ODAD1: variants seen among roughly 807,000 people sequenced by gnomAD.
ODAD1 encodes the protein outer dynein arm docking complex subunit 1, also known as outer dynein arm-docking complex subunit 1.
Under a neutral mutation model 67.2 loss-of-function variants are expected in ODAD1, and 49 were observed. That is an observed-to-expected ratio of 0.73 (90% CI 0.58 to 0.92). ODAD1 has a LOEUF of 0.92. Ranked by LOEUF, ODAD1 falls within the 40% of genes least tolerant of loss-of-function variation. The pLI is 0.00. For synonymous variants in ODAD1, 345 were observed against 393.7 expected (o/e 0.88, Z 1.46); for missense variants, 897 against 953.7 (o/e 0.94, Z 0.78).
Position 48,306,279 on chromosome 19 carries a change from G to T in ODAD1, c.642C>A (p.Ser214=). 3 of 1,551,704 alleles carry T rather than the reference G, an allele frequency of 1.9e-6. No homozygotes were observed. The highest frequency in any genetic ancestry group is 2.6e-6 in the Non-Finnish European group (3 of 1,146,968). ...LHHLVSTLIL[S]STSAYAVREE... ...ACCTGACGGCGTAGGCAGAGGTGGA[G>T]GAGAGGATAAGGGTGCTGACCAGGT... Residue 214 remains serine, a synonymous_variant, in exon 8 of 16, where the codon TCC becomes TCA. Transcript: ENST00000674294.
intron 5 of ODAD1, among the ~76,000 whole-genome samples, chr19:48,315,742 G>A (rs1241085168): frequency 6.6e-6 from 1 of 152,040 alleles, no homozygotes. Flanking sequence ...TTATATTAAT[G>A]GAATTGTATA....
intron 7 of ODAD1, 24 bp downstream of exon 7, chr19:48,311,529 C>G: frequency 1.4e-6 from 2 of 1,397,686 alleles, no homozygotes; most frequent in Non-Finnish European, 2.0e-6. Context: ...CCTGTCTCCT[C>G]CCCTGGATTT....
At chr19:48,299,117 A>C (rs1420321687) in intron 12 of ODAD1, among the ~76,000 whole-genome samples, 1 of 152,254 alleles carries the variant, frequency 6.6e-6, no homozygotes, top group African/African-American at 2.4e-5. Context: ...CTGAGATTCA[A>C]ACCCAGGACA....
At chr19:48,312,905 T>C (rs1183003290) in intron 5 of ODAD1, among the ~76,000 whole-genome samples, 1 of 133,628 alleles carries the variant, frequency 7.5e-6, no homozygotes, top group Non-Finnish European at 1.6e-5. Context: ...GGTCTGCTTA[T>C]GCCTAAGACC....
At chr19:48,318,834 G>A in intron 3 of ODAD1, 22 bp from the exon 4 acceptor site, 1 of 1,454,316 alleles carries the variant, frequency 6.9e-7, no homozygotes. Context: ...GCCAGCCAAG[G>A]GACTCAGCAG....
Position 48,297,499 on chromosome 19 carries a change from G to C in ODAD1, c.1601C>G (p.Ala534Gly). ...VEKLVELQEQ[A>G]EAQRQKDLAA... Reference sequence around the variant, plus strand: ...CAGGTCCTTCTGGCGCTGCGCCTCCGCCTGCTCCTGGAGCTCCACCTGCAG... The same window carrying C: ...CAGGTCCTTCTGGCGCTGCGCCTCCCCCTGCTCCTGGAGCTCCACCTGCAG... The change falls in exon 16 of 16, where the codon GCG becomes GGG. Residue 534 changes from alanine (A) to glycine (G), a missense_variant. Physicochemically the swap from Ala to Gly is moderately conservative, Grantham distance 60 (BLOSUM62 0). Transcript: ENST00000674294. The C allele has an allele frequency of 6.2e-7, 1 of 1,603,830 alleles. No individual in the cohort carries two copies. The highest frequency in any genetic ancestry group is 8.5e-7 in the Non-Finnish European group (1 of 1,176,476).
chr19:48,297,745 CG>C, intron 14 of ODAD1, 77 bp from the exon 15 acceptor site: 1 of 1,249,130 alleles, frequency 8.0e-7, no homozygotes, highest in Non-Finnish European at 1.1e-6. Context: ...TGCTAAACCC[CG>C]GGAGCCTCAG....
At chr19:48,317,143 T>C (rs1212797568) in intron 5 of ODAD1, among the ~76,000 whole-genome samples, 9 of 151,944 alleles carry the variant, frequency 5.9e-5, no homozygotes, top group African/African-American at 2.2e-4. Context: ...TGTGCCCAAC[T>C]GACAAATTGG....
At chr19:48,308,454 G>C (rs548496589) in intron 7 of ODAD1, among the ~76,000 whole-genome samples, 3 of 152,166 alleles carry the variant, frequency 2.0e-5, no homozygotes, top group Non-Finnish European at 4.4e-5. Context: ...GGAATTACAG[G>C]CATGAGCCAC....
At chr19:48,298,397 C>T (rs531078118) in intron 12 of ODAD1, 57 bp from the exon 13 acceptor site, 2 of 1,568,636 alleles carry the variant, frequency 1.3e-6, no homozygotes, top group East Asian at 2.2e-5. Flanking sequence ...GGTGCCAGCC[C>T]TCTCCCCACT....
chr19:48,312,622 G>A (rs1489505932), intron 5 of ODAD1, among the ~76,000 whole-genome samples: 1 of 151,966 alleles, frequency 6.6e-6, no homozygotes, highest in Non-Finnish European at 1.5e-5. Flanking sequence ...TCACCATGTT[G>A]GCCAGGCTGA....
chr19:48,321,798 A>C lies in ODAD1; in HGVS notation c.-184T>G, dbSNP rs1969034866. 1 of 398,510 alleles carries C rather than the reference A, an allele frequency of 2.5e-6. No individual in the cohort carries two copies. Among genetic ancestry groups the C allele is most frequent in the Non-Finnish European group, 4.4e-6 (1 of 226,076 alleles). 24.7% of individuals were successfully genotyped at this position (398,510 alleles called of 1,614,324 possible). A position where few individuals can be genotyped will look rare whatever the true frequency, so the allele number is the denominator to read the frequency against. The stretch of plus-strand genomic sequence containing the variant: ...AGGTGCCGGTCTTAAGCTGACTGTG[A>C]CCACGTTAAATTAAGGATTCATAGG... On this transcript the variant is annotated 5_prime_UTR_variant, in exon 1 of 16. Coordinates refer to ENST00000674294, the MANE Select transcript of ODAD1 (RefSeq NM_001364171.2).
In ODAD1 at chr19:48,296,718, GA is replaced by G. The variant is rs1968290696; in HGVS notation, c.*257del. ...GGCAGATATGGAGACAAGACGGACA[GA>G]CACTGACCAGGAAGCCCAGAGAACA... On this transcript the variant is annotated 3_prime_UTR_variant, in exon 16 of 16. Transcript: ENST00000674294. 64 of 1,314,966 alleles carry G rather than the reference GA, an allele frequency of 4.9e-5. No homozygotes were observed. In the South Asian group the frequency reaches 1.1e-3, roughly 23 times the overall value. The allele number at this position is 1,314,966 out of a possible 1,614,324, so 81.5% of individuals were successfully genotyped here. A position where few individuals can be genotyped will look rare whatever the true frequency, so the allele number is the denominator to read the frequency against.
At chr19:48,312,400 GT>G (rs767432952) in intron 5 of ODAD1, among the ~76,000 whole-genome samples, 33,366 of 120,572 alleles carry the variant, frequency 0.28, 4,863 homozygotes, top group African/African-American at 0.41. Flanking sequence ...ACTCCTTTCC[GT>G]TTTTTTTTTT....
rs1968776221 is a variant in ODAD1 at position 48,312,012 on chromosome 19, T to C, written c.465A>G (p.Leu155=). 6.4e-7 allele frequency: 1 copy of C among 1,551,326 alleles called. No homozygotes were observed. The highest frequency in any genetic ancestry group is 2.0e-5 in the Admixed American group (1 of 50,978). ...CCCTCACCCTGTCCAACTGGTTTTCTAGGATCCTGATCCTTCGCCTGATCT... is the reference window on the plus strand; with the variant it reads ...CCCTCACCCTGTCCAACTGGTTTTCCAGGATCCTGATCCTTCGCCTGATCT... ...KVKIRRRIRI[L]ENQLDRVTCH... is the part of the protein sequence containing the mutation. Residue 155 remains leucine (L), a synonymous_variant, in exon 6 of 16, where the codon CTA becomes CTG. Coordinates refer to ENST00000674294, the MANE Select transcript of ODAD1 (RefSeq NM_001364171.2).
chr19:48,319,403 C>T, intron 3 of ODAD1: 1 of 985,552 alleles, frequency 1.0e-6, no homozygotes, highest in Non-Finnish European at 1.2e-6. Flanking sequence ...AGCCTGGGAT[C>T]CCAGACCCCA....
intron 5 of ODAD1, among the ~76,000 whole-genome samples, chr19:48,313,151 G>A (rs1038709033): frequency 3.9e-5 from 6 of 152,076 alleles, no homozygotes; most frequent in Admixed American, 6.6e-5. Flanking sequence ...TATGTTGGCC[G>A]GGCACGGTGG....
At chr19:48,321,531 G>A (rs1161284226) in intron 1 of ODAD1, 147 bp downstream of exon 1, 1 of 312,514 alleles carries the variant, frequency 3.2e-6, no homozygotes. Flanking sequence ...TAAGGGGCGG[G>A]CTTCGAGGGT....
chr19:48,297,832 C>T (rs190692424), intron 14 of ODAD1, 164 bp from the exon 15 acceptor site: 4 of 801,570 alleles, frequency 5.0e-6, no homozygotes, highest in East Asian at 5.5e-5. Flanking sequence ...AGGTGCCAAG[C>T]CCCTACTCCT....
Sources: gnomAD v4.1 joint callset for allele counts (sites outside exome capture counted in the v4.1 genomes callset) on GRCh38, gnomAD v4.1.1 for gene constraint, MANE v1.5 for transcripts, NCBI Gene and HGNC (gene_info 2026-07-23, HGNC 2026-07-21) for gene names.